The following ZFHX3 variants were observed in gnomAD, a reference collection of about 807,000 sequenced individuals.
ZFHX3 encodes zinc finger homeobox protein 3.
ZFHX3 carries 42 observed loss-of-function variants against 279.1 expected under a neutral mutation model. The observed-to-expected ratio is 0.15, with a 90% confidence interval of 0.12 to 0.19. The LOEUF (loss-of-function observed/expected upper bound fraction) is 0.19, where lower values mean the gene tolerates loss of function less well. Among genes scored for constraint, ZFHX3 ranks in the 10% least tolerant of loss-of-function variants. The pLI is 1.00. For synonymous variants in ZFHX3, 2,293 were observed against 1,957.8 expected, an observed-to-expected ratio of 1.17 and a Z score of -4.52; for missense variants, 4,981 against 4,754.0, an observed-to-expected ratio of 1.05 and a Z score of -1.40.
intron 7 of ZFHX3, among the ~76,000 whole-genome samples, chr16:73,126,217 G>A (rs906577473): frequency 2.0e-5 from 3 of 152,138 alleles, no homozygotes; most frequent in Non-Finnish European, 4.4e-5. Context: ...GAAGAGAAAG[G>A]CAATCACAGC....
chr16:73,310,154 G>T (rs774409546), intron 4 of ZFHX3, among the ~76,000 whole-genome samples: 3 of 152,072 alleles, frequency 2.0e-5, no homozygotes, highest in East Asian at 1.9e-4. Flanking sequence ...TGATCTGCCC[G>T]CCTTGGACTC....
Position 73,478,376 on chromosome 16 carries a change from T to C in ZFHX3, c.-1546-22118A>G, listed in dbSNP as rs796720241. Among the ~76,000 whole-genome samples, 11 of 152,102 alleles carry C rather than the reference T, an allele frequency of 7.2e-5. 1 individual carries two copies. The highest frequency in any genetic ancestry group is 2.1e-4 in the South Asian group (1 of 4,816). The stretch of plus-strand genomic sequence containing the variant: ...ATTAAAAGTCTGATGCTCTACCAAC[T>C]GAGCTATCCAGGCTTCTTCCCTGCT... On this transcript the variant is annotated intron_variant, in intron 2 of 17. Transcript: ENST00000641206.
intron 2 of ZFHX3, among the ~76,000 whole-genome samples, chr16:73,620,925 T>C (rs1461560079): frequency 6.6e-6 from 1 of 152,244 alleles, no homozygotes; most frequent in Non-Finnish European, 1.5e-5. Flanking sequence ...AGACACAGCT[T>C]GGTGGGAATC....
At position 72,994,335 on chromosome 16, in the gene ZFHX3, G is replaced by A. The variant is rs140846046; in HGVS notation, c.-49-34141C>T. 2.2e-3 allele frequency among the ~76,000 whole-genome samples: 329 copies of A among 152,284 alleles called. 3 individuals carry two copies. Among genetic ancestry groups the A allele is most frequent in the African/African-American group, 7.5e-3 (312 of 41,546 alleles). The stretch of plus-strand genomic sequence containing the variant: ...GTCTGGCTCAGGTTATATTTAAGTC[G>A]CTGTATTACTTCCACCTTCAGAAGG... On this transcript the variant is annotated intron_variant, in intron 1 of 9. Transcript: ENST00000268489.
At chr16:73,171,696 T>C (rs2144867323) in intron 5 of ZFHX3, among the ~76,000 whole-genome samples, 1 of 152,314 alleles carries the variant, frequency 6.6e-6, no homozygotes, top group East Asian at 1.9e-4. Flanking sequence ...TAAGCAGTTC[T>C]CGACATCTGC....
At chr16:73,152,622 CTT>C (rs11318696) in intron 5 of ZFHX3, among the ~76,000 whole-genome samples, 6 of 146,022 alleles carry the variant, frequency 4.1e-5, no homozygotes, top group South Asian at 4.3e-4. Context: ...ATTTTTCTTT[CTT>C]TTTTTTTTTC....
chr16:73,883,961 T>C (rs934989644), intron 1 of ZFHX3, among the ~76,000 whole-genome samples: 1 of 152,188 alleles, frequency 6.6e-6, no homozygotes, highest in Non-Finnish European at 1.5e-5. Flanking sequence ...GAGATTCTTA[T>C]CTAAATCAAG....
At position 72,788,827 on chromosome 16, in the gene ZFHX3, T is replaced by C; in HGVS notation, c.9449A>G (p.Asn3150Ser). The change falls in exon 10 of 10, where the codon AAC becomes AGC. Residue 3150 changes from asparagine (N) to serine (S), a missense_variant. Coordinates refer to ENST00000268489, the MANE Select transcript of ZFHX3 (RefSeq NM_006885.4). ...AGTTGTGCTGGGCAGACCCATCAAG[T>C]TCGGCTTAGGAGACGTTAAAGCTGA... ...SNTALTSPKP[N>S]LMGLPSTTVP... The C allele has an allele frequency of 2.0e-6, 3 of 1,523,020 alleles. No individual in the cohort carries two copies. The highest frequency in any genetic ancestry group is 2.6e-6 in the Non-Finnish European group (3 of 1,138,510). 94.3% of individuals were successfully genotyped at this position (1,523,020 alleles called of 1,614,324 possible).
intron 4 of ZFHX3, among the ~76,000 whole-genome samples, chr16:72,877,978 T>G (rs551106823): frequency 1.3e-5 from 2 of 152,204 alleles, no homozygotes; most frequent in South Asian, 2.1e-4. Context: ...GAGGATCACT[T>G]GAGGCCAGGA....
chr16:73,203,836 G>A (rs1242801131), intron 5 of ZFHX3, among the ~76,000 whole-genome samples: 1 of 152,222 alleles, frequency 6.6e-6, no homozygotes, highest in Non-Finnish European at 1.5e-5. Flanking sequence ...ATTTGAGCCA[G>A]TGACAATTGT....
chr16:72,829,776 C>T lies in ZFHX3; in HGVS notation c.3529+3G>A. 1.2e-6 allele frequency: 2 copies of T among 1,614,208 alleles called. No individual in the cohort carries two copies. Among genetic ancestry groups the T allele is most frequent in the Non-Finnish European group, 1.7e-6 (2 of 1,180,020 alleles). On this transcript the variant is annotated splice_donor_region_variant and intron_variant, in intron 5 of 9. Transcript: ENST00000268489. ...CCTGTCCACTTGCCCTGGTCTTTCTCACCTCCGCCCTCTTGGTCCTTAGCA... is the reference window on the plus strand; with the variant it reads ...CCTGTCCACTTGCCCTGGTCTTTCTTACCTCCGCCCTCTTGGTCCTTAGCA...
At chr16:73,862,381 A>T (rs565860867) in intron 1 of ZFHX3, among the ~76,000 whole-genome samples, 1 of 152,240 alleles carries the variant, frequency 6.6e-6, no homozygotes, top group Admixed American at 6.5e-5. Flanking sequence ...TCTTGGTTAC[A>T]TGCTTGACAC....
chr16:73,559,534 G>A (rs999762060), intron 2 of ZFHX3, among the ~76,000 whole-genome samples: 3 of 152,096 alleles, frequency 2.0e-5, no homozygotes, highest in Admixed American at 2.0e-4. Context: ...CTAATGAGTT[G>A]TCAGAAGAGC....
intron 7 of ZFHX3, among the ~76,000 whole-genome samples, chr16:73,129,074 G>A (rs1966626121): frequency 1.3e-5 from 2 of 152,042 alleles, no homozygotes; most frequent in African/African-American, 4.8e-5. Flanking sequence ...GATGACCGGT[G>A]GAGAAACTGA....
At chr16:73,637,234 T>C (rs1457879182) in intron 2 of ZFHX3, among the ~76,000 whole-genome samples, 1 of 147,436 alleles carries the variant, frequency 6.8e-6, no homozygotes, top group Non-Finnish European at 1.5e-5. Flanking sequence ...TTTGTTCTTT[T>C]TTTTTTTTTT....
chr16:73,712,468 G>C (rs572862651), intron 1 of ZFHX3, among the ~76,000 whole-genome samples: 3 of 152,156 alleles, frequency 2.0e-5, no homozygotes, highest in Non-Finnish European at 4.4e-5. Context: ...TATCCTTCTC[G>C]GGTGTAATTT....
At chr16:73,637,924 T>C (rs926595750) in intron 2 of ZFHX3, among the ~76,000 whole-genome samples, 5 of 152,206 alleles carry the variant, frequency 3.3e-5, no homozygotes, top group Admixed American at 1.3e-4. Flanking sequence ...TATAAAATTA[T>C]TTTCAGCTTC....
At chr16:73,219,283 G>GTGA (rs1257659227) in intron 5 of ZFHX3, among the ~76,000 whole-genome samples, 1 of 151,984 alleles carries the variant, frequency 6.6e-6, no homozygotes, top group Non-Finnish European at 1.5e-5. Context: ...CTATGCTGTT[G>GTGA]TGATTGTTTC....
intron 3 of ZFHX3, among the ~76,000 whole-genome samples, chr16:72,932,614 A>T (rs759631794): frequency 2.8e-4 from 42 of 150,966 alleles, no homozygotes; most frequent in Non-Finnish European, 5.2e-4. Flanking sequence ...CATCGGTCAT[A>T]ATCTCTCTTC....
Sources: allele counts gnomAD v4.1 joint callset (sites outside exome capture counted in the v4.1 genomes callset), GRCh38; gene constraint gnomAD v4.1.1; transcripts MANE v1.5; gene names NCBI Gene and HGNC (gene_info 2026-07-23, HGNC 2026-07-21).